Variants in THSD4 observed in about 807,000 individuals in gnomAD.
THSD4 encodes thrombospondin type 1 domain containing 4, also known as thrombospondin type-1 domain-containing protein 4.
Under a neutral mutation model 119.0 loss-of-function variants are expected in THSD4, and 69 were observed. The ratio of observed to expected loss-of-function variants is 0.58; its 90% confidence interval spans 0.48 to 0.71. The LOEUF (loss-of-function observed/expected upper bound fraction) is 0.71. Among genes scored for constraint, THSD4 ranks in the 30% least tolerant of loss-of-function variants. The pLI, the probability that THSD4 is intolerant of heterozygous loss-of-function variation, is 0.00. For missense variants in THSD4, 1,393 were observed against 1,391.1 expected, an observed-to-expected ratio of 1.00 and a Z score of -0.02; for synonymous variants, 524 against 540.4, an observed-to-expected ratio of 0.97 and a Z score of 0.42.
At chr15:71,574,705 G>A (rs1430359130) in intron 7 of THSD4, among the ~76,000 whole-genome samples, 1 of 152,094 alleles carries the variant, frequency 6.6e-6, no homozygotes, top group Non-Finnish European at 1.5e-5. Context: ...CAGGTTAGAG[G>A]TGATACAAGA....
At chr15:71,248,381 CT>C in intron 5 of THSD4, among the ~76,000 whole-genome samples, 1 of 152,194 alleles carries the variant, frequency 6.6e-6, no homozygotes, top group Non-Finnish European at 1.5e-5. Context: ...TCAACACTTT[CT>C]TTTAGGTGCT....
intron 8 of THSD4, among the ~76,000 whole-genome samples, chr15:71,694,032 AAAG>A (rs2052110718): frequency 6.6e-6 from 1 of 151,836 alleles, no homozygotes. Flanking sequence ...AAAAAGAAAG[AAAG>A]AAAGAAAGAA....
At chr15:71,388,485 T>C (rs932786463) in intron 6 of THSD4, among the ~76,000 whole-genome samples, 1 of 152,178 alleles carries the variant, frequency 6.6e-6, no homozygotes, top group African/African-American at 2.4e-5. Flanking sequence ...TGAAAGGTCT[T>C]CTGTTGTTCA....
intron 1 of THSD4, among the ~76,000 whole-genome samples, chr15:71,105,670 A>G (rs1167978574): frequency 2.0e-5 from 3 of 152,222 alleles, no homozygotes; most frequent in African/African-American, 7.2e-5. Context: ...AAGACCAAAT[A>G]TACTTCTTAT....
intron 8 of THSD4, among the ~76,000 whole-genome samples, chr15:71,727,583 T>C (rs71411059): frequency 0.21 from 1,398 of 6,518 alleles, 30 homozygotes; most frequent in African/African-American, 0.34. Flanking sequence ...TATATATATA[T>C]ATATACACAC....
chr15:71,214,893 G>C (rs2043917614), intron 3 of THSD4, 142 bp from the exon 4 acceptor site: 1 of 1,187,058 alleles, frequency 8.4e-7, no homozygotes, highest in African/African-American at 1.6e-5. Context: ...CCGACTCTAA[G>C]CCAGGCTGGA....
intron 4 of THSD4, among the ~76,000 whole-genome samples, chr15:71,232,588 T>C (rs1432135865): frequency 6.6e-6 from 1 of 151,532 alleles, no homozygotes; most frequent in East Asian, 1.9e-4. Flanking sequence ...TAGGGTAGGG[T>C]TCCAGGAGGG....
rs565748518 is a variant in THSD4 at position 71,753,902 on chromosome 15, A to C, written c.2416-4000A>C. Among the ~76,000 whole-genome samples the C allele has an allele frequency of 9.2e-4, 140 of 152,246 alleles. 3 individuals carry two copies. Among genetic ancestry groups the C allele is most frequent in the South Asian group, 4.4e-3 (21 of 4,824 alleles). On this transcript the variant is annotated intron_variant, in intron 14 of 17. Transcript: ENST00000261862. Reference sequence around the variant, plus strand: ...CCATTGGGCACTGGCATGGTCCTTCATATTCTTCTTTTAAATTAGGTATAT... The same window carrying C: ...CCATTGGGCACTGGCATGGTCCTTCCTATTCTTCTTTTAAATTAGGTATAT...
At chr15:71,421,158 C>CAAAAAAAAAAAAAAAAA (rs769831708) in intron 7 of THSD4, among the ~76,000 whole-genome samples, 2 of 18,788 alleles carry the variant, frequency 1.1e-4, no homozygotes, top group African/African-American at 3.7e-4. Flanking sequence ...GACTCCGTCT[C>CAAAAAAAAAAAAAAAAA]AAAAAAAAAA....
intron 7 of THSD4, among the ~76,000 whole-genome samples, chr15:71,589,241 G>T (rs1202006428): frequency 7.1e-6 from 1 of 141,336 alleles, no homozygotes; most frequent in African/African-American, 2.5e-5. Context: ...AAAGGACATA[G>T]GATATAAGAG....
intron 6 of THSD4, among the ~76,000 whole-genome samples, chr15:71,266,016 C>T (rs948148940): frequency 1.3e-5 from 2 of 152,316 alleles, no homozygotes; most frequent in African/African-American, 4.8e-5. Context: ...GGGGAAGGGG[C>T]GGATGTGAGC....
At chr15:71,739,608 C>G (rs1488745507) in intron 11 of THSD4, among the ~76,000 whole-genome samples, 1 of 152,162 alleles carries the variant, frequency 6.6e-6, no homozygotes, top group African/African-American at 2.4e-5. Flanking sequence ...CAAAGATACA[C>G]CTATGAACTG....
At chr15:71,644,981 A>G (rs1207270813) in intron 7 of THSD4, among the ~76,000 whole-genome samples, 1 of 152,186 alleles carries the variant, frequency 6.6e-6, no homozygotes, top group Non-Finnish European at 1.5e-5. Flanking sequence ...CCCCTGCTCA[A>G]GAGCTCCAGA....
At chr15:71,273,818 AT>A (rs1230993043) in intron 6 of THSD4, among the ~76,000 whole-genome samples, 1 of 152,184 alleles carries the variant, frequency 6.6e-6, no homozygotes, top group African/African-American at 2.4e-5. Flanking sequence ...ACAGACACCA[AT>A]TTTGGCTAAG....
In THSD4 at chr15:71,765,090, T is replaced by C. The variant is rs762619780; in HGVS notation, c.2660T>C (p.Phe887Ser). 6.2e-7 allele frequency: 1 copy of C among 1,614,220 alleles called. No homozygotes were observed. The highest frequency in any genetic ancestry group is 1.6e-4 in the Middle Eastern group (1 of 6,062). Residue 887 changes from phenylalanine (F) to serine (S), a missense_variant, in exon 16 of 18, where the codon TTT becomes TCT. Transcript: ENST00000261862. ...VICVRKNADT[F>S]EVLDPSECSF... is the part of the protein sequence containing the mutation. ...TGTGTTAGAAAGAATGCAGACACCT[T>C]TGAAGTGTTGGACCCCTCTGAATGT...
chr15:71,140,089 A>G (rs17784482), intron 1 of THSD4, among the ~76,000 whole-genome samples: 2,123 of 152,356 alleles, frequency 0.014, 29 homozygotes, highest in Middle Eastern at 0.027. Flanking sequence ...TTTTACCTCC[A>G]TGTTTTCACT....
intron 3 of THSD4, among the ~76,000 whole-genome samples, chr15:71,156,343 C>T (rs765736324): frequency 7.2e-5 from 11 of 152,000 alleles, no homozygotes; most frequent in East Asian, 1.9e-4. Flanking sequence ...CTGCAACCTC[C>T]GCCTCCTGGG....
chr15:71,459,298 A>T (rs2047386061), intron 7 of THSD4, among the ~76,000 whole-genome samples: 2 of 150,714 alleles, frequency 1.3e-5, no homozygotes, highest in Non-Finnish European at 2.9e-5. Context: ...AGCTGGGACT[A>T]CAGGCATGTG....
chr15:71,264,447 G>A (rs1196127849), intron 6 of THSD4, among the ~76,000 whole-genome samples: 2 of 152,198 alleles, frequency 1.3e-5, no homozygotes, highest in Non-Finnish European at 2.9e-5. Flanking sequence ...TGTTTGCTTT[G>A]GGGATGAGCA....
Sources: gnomAD v4.1 joint callset for allele counts (sites outside exome capture counted in the v4.1 genomes callset) on GRCh38, gnomAD v4.1.1 for gene constraint, MANE v1.5 for transcripts, NCBI Gene and HGNC (gene_info 2026-07-23, HGNC 2026-07-21) for gene names.